CRB1: variants seen among roughly 807,000 people sequenced by gnomAD.
CRB1 encodes crumbs cell polarity complex component 1.
A neutral mutation model predicts 120.0 loss-of-function variants in CRB1; 83 were observed. The ratio of observed to expected loss-of-function variants is 0.69; its 90% CI spans 0.58 to 0.83. The LOEUF (loss-of-function observed/expected upper bound fraction) is 0.83, where lower values mean the gene tolerates loss of function less well. Ranked by LOEUF, CRB1 falls within the 40% of genes least tolerant of loss-of-function variation. CRB1 has a pLI of 0.00. For synonymous variants in CRB1, 625 were observed against 612.5 expected (o/e 1.02, Z -0.30); for missense variants, 1,699 against 1,687.6 (o/e 1.01, Z -0.12).
chr1:197,383,364 G>A (rs1483542337), intron 5 of CRB1, among the ~76,000 whole-genome samples: 1 of 152,070 alleles, frequency 6.6e-6, no homozygotes, highest in African/African-American at 2.4e-5. Context: ...GAATGCAACT[G>A]GACCCGCTAC....
the CRB1 span, among the ~76,000 whole-genome samples, chr1:197,230,209 C>G: frequency 6.6e-6 from 1 of 152,098 alleles, no homozygotes; most frequent in Non-Finnish European, 1.5e-5. Flanking sequence ...ACTATAAAGT[C>G]TTAATCCATT....
At chr1:197,210,965 T>C in the CRB1 span, among the ~76,000 whole-genome samples, 3 of 152,328 alleles carry the variant, frequency 2.0e-5, no homozygotes, top group Admixed American at 2.0e-4. Flanking sequence ...TTCAATAGAA[T>C]ATATATTGAA....
chr1:197,459,065 A>G (rs1666410577), intron 11 of CRB1, among the ~76,000 whole-genome samples: 1 of 152,108 alleles, frequency 6.6e-6, no homozygotes, highest in Non-Finnish European at 1.5e-5. Context: ...GTGGGAAAAA[A>G]AAGTTTGGAT....
At chr1:197,422,737 C>A (rs115541057) in intron 6 of CRB1, 1,882 of 152,070 alleles carry the variant, frequency 0.012, 49 homozygotes, top group African/African-American at 0.044. Context: ...TTATTATTAT[C>A]ATACATTGAA....
At chr1:197,246,744 G>A in the CRB1 span, among the ~76,000 whole-genome samples, 10 of 152,004 alleles carry the variant, frequency 6.6e-5, no homozygotes, top group African/African-American at 1.9e-4. Context: ...CATAAGTAAC[G>A]TTTTAATGCA....
chr1:197,389,765 G>T (rs1174768522), intron 5 of CRB1, among the ~76,000 whole-genome samples: 2 of 152,050 alleles, frequency 1.3e-5, no homozygotes, highest in Non-Finnish European at 2.9e-5. Context: ...TGTTTAAGTG[G>T]TCTCTCAGAG....
chr1:197,285,890 G>C (rs1471638056), intron 1 of CRB1, among the ~76,000 whole-genome samples: 1 of 151,924 alleles, frequency 6.6e-6, no homozygotes, highest in Admixed American at 6.6e-5. Flanking sequence ...ACAATTACTA[G>C]TTAATTTATT....
At chr1:197,203,060 G>A in the CRB1 span, among the ~76,000 whole-genome samples, 29 of 152,130 alleles carry the variant, frequency 1.9e-4, 1 homozygote, top group African/African-American at 6.7e-4. Flanking sequence ...GATTTAGTTA[G>A]CATTTAAAAA....
At chr1:197,294,110 A>G (rs1388890172) in intron 1 of CRB1, among the ~76,000 whole-genome samples, 1 of 152,182 alleles carries the variant, frequency 6.6e-6, no homozygotes, top group East Asian at 1.9e-4. Context: ...AGAAACTACC[A>G]TCAGGGTGAA....
At chr1:197,304,512 G>A in intron 1 of CRB1, 3 of 341,878 alleles carry the variant, frequency 8.8e-6, no homozygotes, top group African/African-American at 2.2e-5. Context: ...TGCCTCTGTG[G>A]TAGATACTAT....
intron 11 of CRB1, chr1:197,444,906 T>TAC (rs59391242): frequency 0.02 from 2,922 of 146,338 alleles, 44 homozygotes; most frequent in African/African-American, 0.047. Context: ...CAGCCATGCA[T>TAC]ACACACACAC....
rs1397958288 is a variant in CRB1 at position 197,336,659 on chromosome 1, T to C, written c.653-7622T>C. Among the ~76,000 whole-genome samples, 7 of 152,312 alleles carry C rather than the reference T, an allele frequency of 4.6e-5. No individual in the cohort carries two copies. In the East Asian group the frequency reaches 1.2e-3, roughly 25 times the overall value. On this transcript the variant is annotated intron_variant, in intron 2 of 11. Coordinates refer to ENST00000367400, the MANE Select transcript of CRB1 (RefSeq NM_201253.3). ...AAATAACAAATATTCACTCAGCAAATACTTATATTTGCAATGCACTGGGCA... is the reference window on the plus strand; with the variant it reads ...AAATAACAAATATTCACTCAGCAAACACTTATATTTGCAATGCACTGGGCA...
rs1308853233 is a variant in CRB1 at position 197,402,282 on chromosome 1, C to T, written c.1172-18718C>T. On this transcript the variant is annotated intron_variant, in intron 5 of 11. Transcript: ENST00000367400. Reference sequence around the variant, plus strand: ...GTTCATGAGTTCTCATCATTTAGCTCTCACTTATATGTGAGAACATGCAGT... The same window carrying T: ...GTTCATGAGTTCTCATCATTTAGCTTTCACTTATATGTGAGAACATGCAGT... Among the ~76,000 whole-genome samples, 8 of 152,300 alleles carry T rather than the reference C, an allele frequency of 5.3e-5. No homozygotes were observed. The East Asian group carries it at 1.3e-3, about 26-fold the overall frequency.
intron 1 of CRB1, among the ~76,000 whole-genome samples, chr1:197,272,542 G>A (rs2125201816): frequency 6.6e-6 from 1 of 152,190 alleles, no homozygotes; most frequent in South Asian, 2.1e-4. Flanking sequence ...AAAAGTTAGA[G>A]TGAGTGTTTA....
intron 1 of CRB1, among the ~76,000 whole-genome samples, chr1:197,319,101 T>A (rs1658022933): frequency 6.6e-6 from 1 of 151,066 alleles, no homozygotes; most frequent in African/African-American, 2.4e-5. Flanking sequence ...TGATTTACAC[T>A]AAAAAAGACA....
At chr1:197,324,282 A>G (rs1410486520) in intron 1 of CRB1, among the ~76,000 whole-genome samples, 1 of 152,154 alleles carries the variant, frequency 6.6e-6, no homozygotes, top group Non-Finnish European at 1.5e-5. Context: ...TTGCAATATT[A>G]TATAGTTTCA....
At chr1:197,294,610 C>T (rs6428395) in intron 1 of CRB1, among the ~76,000 whole-genome samples, 24,063 of 151,886 alleles carry the variant, frequency 0.16, 2,135 homozygotes, top group Middle Eastern at 0.24. Flanking sequence ...TGCACACATA[C>T]GTTTATTGCG....
intron 6 of CRB1, among the ~76,000 whole-genome samples, chr1:197,423,716 A>G (rs1664445464): frequency 6.6e-6 from 1 of 152,174 alleles, no homozygotes; most frequent in South Asian, 2.1e-4. Flanking sequence ...CCCATTCATG[A>G]CTTGCACTCA....
rs781754986 is a variant in CRB1 at position 197,442,307 on chromosome 1, C to T, written c.4005+15C>T. The T allele has an allele frequency of 1.9e-6, 3 of 1,614,122 alleles. No individual in the cohort carries two copies. The South Asian group carries it at 3.3e-5, about 18-fold the overall frequency. ...GCGAGGTGGACGTAAGCAGCCTCTC[C>T]TTTTATGTCTCTCTCTTATTCTGGC... is the stretch of plus-strand genomic sequence containing the variant. On this transcript the variant is annotated intron_variant, in intron 11 of 11. Coordinates refer to ENST00000367400, the MANE Select transcript of CRB1 (RefSeq NM_201253.3).
Sources: gnomAD v4.1 joint callset for allele counts (sites outside exome capture counted in the v4.1 genomes callset) on GRCh38, gnomAD v4.1.1 for gene constraint, MANE v1.5 for transcripts, NCBI Gene and HGNC (gene_info 2026-07-23, HGNC 2026-07-21) for gene names.